The following SAMD3 variants were observed in gnomAD, a reference collection of about 807,000 sequenced individuals.
SAMD3 encodes sterile alpha motif domain containing 3.
A neutral mutation model predicts 58.5 loss-of-function variants in SAMD3; 63 were observed. The observed-to-expected ratio is 1.08, with a 90% confidence interval of 0.88 to 1.33. The LOEUF (loss-of-function observed/expected upper bound fraction) is 1.33. SAMD3 is among the 40% of genes most tolerant of loss of function. The probability of loss-of-function intolerance (pLI) is 0.00; values close to 1 mark genes in which losing one functional copy is unlikely to be tolerated. For missense variants in SAMD3, 604 were observed against 608.4 expected (o/e 0.99, Z 0.08); for synonymous variants, 220 against 210.3 (o/e 1.05, Z -0.40).
intron 5 of SAMD3, among the ~76,000 whole-genome samples, chr6:130,187,862 A>G (rs1793149493): frequency 6.6e-6 from 1 of 152,194 alleles, no homozygotes; most frequent in African/African-American, 2.4e-5. Flanking sequence ...ACAGATCTCT[A>G]ACCCAAGGTA....
chr6:130,335,072 G>C (rs1028375027), intron 1 of SAMD3, among the ~76,000 whole-genome samples: 1 of 152,274 alleles, frequency 6.6e-6, no homozygotes, highest in East Asian at 1.9e-4. Context: ...AGCAGCAAAG[G>C]GTTAGGCTCC....
intron 1 of SAMD3, among the ~76,000 whole-genome samples, chr6:130,219,668 T>A (rs1796138967): frequency 6.6e-6 from 1 of 152,234 alleles, no homozygotes; most frequent in African/African-American, 2.4e-5. Context: ...ATTAATTCAT[T>A]CCTTTTTATG....
chr6:130,170,774 G>T (rs140151907), intron 8 of SAMD3, among the ~76,000 whole-genome samples: 1 of 152,106 alleles, frequency 6.6e-6, no homozygotes, highest in African/African-American at 2.4e-5. Flanking sequence ...AATGCTTGTG[G>T]TTTTTGCACA....
chr6:130,153,662 A>ATATATATATATATATATATATATT (rs1423735345), intron 9 of SAMD3, among the ~76,000 whole-genome samples: 3 of 131,266 alleles, frequency 2.3e-5, no homozygotes, highest in Non-Finnish European at 3.2e-5. Flanking sequence ...ATATATATAT[A>ATATATATATATATATATATATATT]TATTTATTTA....
At chr6:130,221,138 G>C (rs996503831) in intron 1 of SAMD3, among the ~76,000 whole-genome samples, 4 of 152,020 alleles carry the variant, frequency 2.6e-5, no homozygotes, top group East Asian at 1.9e-4. Flanking sequence ...ACAGGCATGA[G>C]CCACCACGCC....
intron 5 of SAMD3, among the ~76,000 whole-genome samples, chr6:130,202,155 C>G (rs1363164568): frequency 6.6e-6 from 1 of 152,218 alleles, no homozygotes; most frequent in African/African-American, 2.4e-5. Flanking sequence ...CTTCCCCTGA[C>G]AGAAAGTTTG....
upstream of SAMD3, among the ~76,000 whole-genome samples, chr6:130,225,197 T>G (rs531137170): frequency 2.6e-5 from 4 of 152,296 alleles, no homozygotes; most frequent in African/African-American, 9.6e-5. Flanking sequence ...GGTCCTGCTA[T>G]TTGCTGCACA....
chr6:130,244,699 C>A (rs1773477771), intron 2 of SAMD3, among the ~76,000 whole-genome samples: 1 of 150,970 alleles, frequency 6.6e-6, no homozygotes, highest in Non-Finnish European at 1.5e-5. Flanking sequence ...GAGATCGTGC[C>A]ACTGTACTCC....
In SAMD3 at chr6:130,237,757, T is replaced by G. The variant is rs142250581; in HGVS notation, c.-187-14944A>C. On this transcript the variant is annotated intron_variant, in intron 2 of 13. Coordinates refer to the SAMD3 transcript ENST00000368134. Reference sequence around the variant, plus strand: ...TGTCTTAACCAAGATTTGAATCTGATCTAAACAAGGGATTGTGTCTAAAAG... The same window carrying G: ...TGTCTTAACCAAGATTTGAATCTGAGCTAAACAAGGGATTGTGTCTAAAAG... Among the ~76,000 whole-genome samples the G allele has an allele frequency of 1.6e-3, 239 of 152,270 alleles. 1 individual carries two copies. Among genetic ancestry groups the G allele is most frequent in the African/African-American group, 5.6e-3 (231 of 41,576 alleles).
intron 2 of SAMD3, among the ~76,000 whole-genome samples, chr6:130,249,486 C>T (rs757040869): frequency 2.6e-4 from 39 of 152,104 alleles, no homozygotes; most frequent in Non-Finnish European, 5.4e-4. Flanking sequence ...TTTAAAACTC[C>T]AGCATCTGTA....
intron 7 of SAMD3, chr6:130,183,488 G>C: frequency 2.4e-6 from 1 of 416,930 alleles, no homozygotes; most frequent in Non-Finnish European, 4.6e-6. Flanking sequence ...CACTGGGTCT[G>C]AGAAGGCAAG....
intron 8 of SAMD3, among the ~76,000 whole-genome samples, chr6:130,167,524 T>A (rs78225411): frequency 0.026 from 3,902 of 152,316 alleles, 160 homozygotes; most frequent in African/African-American, 0.088. Flanking sequence ...CTGTAAGCTT[T>A]TAAATCCAAC....
Position 130,304,795 on chromosome 6 carries a change from G to A in SAMD3, c.-188+8183C>T, listed in dbSNP as rs145847622. On this transcript the variant is annotated intron_variant, in intron 2 of 13. Coordinates refer to the SAMD3 transcript ENST00000368134. ...TATTGAGTCTTTCTAAAAAGATGGC[G>A]TATCACTCTACTTATTTAGGTATTT... Among the ~76,000 whole-genome samples, 800 of 151,944 alleles carry A rather than the reference G, an allele frequency of 5.3e-3. 8 individuals are homozygous for A. The highest frequency in any genetic ancestry group is 0.016 in the African/African-American group (671 of 41,480).
At chr6:130,299,138 C>A (rs1320953111) in intron 2 of SAMD3, among the ~76,000 whole-genome samples, 2 of 152,082 alleles carry the variant, frequency 1.3e-5, no homozygotes. Flanking sequence ...GAATATTCCA[C>A]CCCACAATCA....
At chr6:130,177,640 A>G (rs1183463758) in intron 7 of SAMD3, among the ~76,000 whole-genome samples, 1 of 152,152 alleles carries the variant, frequency 6.6e-6, no homozygotes, top group Admixed American at 6.5e-5. Context: ...ACTGGCACTT[A>G]TCACAGTGGT....
In SAMD3 at chr6:130,214,536, A is replaced by G. The variant is rs1370108257; in HGVS notation, c.80-10T>C. The G allele has an allele frequency of 1.9e-6, 3 of 1,570,798 alleles. No homozygotes were observed. Among genetic ancestry groups the G allele is most frequent in the African/African-American group, 1.4e-5 (1 of 72,656 alleles). ...CCACTTACTTCTTCCTCTGGGAAAAAGAAAAAAAATTAGTTTCTACATGAC... is the reference window on the plus strand; with the variant it reads ...CCACTTACTTCTTCCTCTGGGAAAAGGAAAAAAAATTAGTTTCTACATGAC... On this transcript the variant is annotated splice_polypyrimidine_tract_variant and intron_variant, in intron 3 of 11. Coordinates refer to ENST00000439090, the MANE Select transcript of SAMD3 (RefSeq NM_001017373.4).
chr6:130,252,966 G>A (rs920297682), intron 2 of SAMD3, among the ~76,000 whole-genome samples: 7 of 152,140 alleles, frequency 4.6e-5, no homozygotes, highest in African/African-American at 1.2e-4. Context: ...TACAGAAAAC[G>A]CCATTCTTGA....
In SAMD3 at chr6:130,347,070, C is replaced by T. The variant is rs574595969; in HGVS notation, c.-304+18050G>A. 3.3e-5 allele frequency among the ~76,000 whole-genome samples: 5 copies of T among 152,278 alleles called. No individual in the cohort carries two copies. The East Asian group carries it at 5.8e-4, about 18-fold the overall frequency. On this transcript the variant is annotated intron_variant, in intron 1 of 13. Coordinates refer to the SAMD3 transcript ENST00000368134. ...AACAGAAAGGACATCCACACCAAAA[C>T]CCCATCTGTACGTCACTATCATCAA...
In SAMD3 at chr6:130,214,225, C is replaced by G. The variant is rs374702264; in HGVS notation, c.269+112G>C. The stretch of plus-strand genomic sequence containing the variant: ...ATATTAGAAATACCGTACATACAAT[C>G]TAGCTGAAAACGGTCACAGTTTTCC... On this transcript the variant is annotated intron_variant, in intron 4 of 11. Transcript: ENST00000439090. 67 of 815,936 alleles carry G rather than the reference C, an allele frequency of 8.2e-5. No individual in the cohort carries two copies. The East Asian group carries it at 1.6e-3, about 20-fold the overall frequency. The allele number at this position is 815,936 out of a possible 1,614,324, so 50.5% of individuals were successfully genotyped here. A position where few individuals can be genotyped will look rare whatever the true frequency, so the allele number is the denominator to read the frequency against.
Sources: allele counts gnomAD v4.1 joint callset (sites outside exome capture counted in the v4.1 genomes callset), GRCh38; gene constraint gnomAD v4.1.1; transcripts MANE v1.5; gene names NCBI Gene and HGNC (gene_info 2026-07-23, HGNC 2026-07-21).